The following PDZD4 variants were observed in gnomAD, a reference collection of about 807,000 sequenced individuals.
PDZD4 encodes the protein PDZ domain containing 4.
In PDZD4, 9 loss-of-function variants were observed where a neutral mutation model predicts 38.5. The ratio of observed to expected loss-of-function variants is 0.23; its 90% CI spans 0.14 to 0.41. The LOEUF is 0.41. PDZD4 is among the 10% of genes least tolerant of loss of function. PDZD4 has a pLI of 1.00. For synonymous variants in PDZD4, 349 were observed against 315.7 expected, an observed-to-expected ratio of 1.11 and a Z score of -1.12; for missense variants, 612 against 722.0, an observed-to-expected ratio of 0.85 and a Z score of 1.75.
chrX:153,818,327 G>A (rs2064383283), intron 1 of PDZD4, among the ~76,000 whole-genome samples: 1 of 111,020 alleles, frequency 9.0e-6, no homozygotes, highest in Admixed American at 9.6e-5. Flanking sequence ...GTAGGGGGCA[G>A]GCGGTAGGGC....
chrX:153,805,011 C>A, intron 7 of PDZD4, 86 bp downstream of exon 7: 1 of 1,112,541 alleles, frequency 9.0e-7, no homozygotes, highest in Non-Finnish European at 1.2e-6. Context: ...CCCTGCCAAG[C>A]ATTGGGAGAC....
intron 1 of PDZD4, chrX:153,829,766 G>A: frequency 1.3e-6 from 1 of 755,736 alleles, no homozygotes; most frequent in Non-Finnish European, 1.6e-6. Flanking sequence ...CCCATCGTTC[G>A]GGCAGGGCCA....
At chrX:153,816,355 G>T in intron 1 of PDZD4, among the ~76,000 whole-genome samples, 1 of 109,464 alleles carries the variant, frequency 9.1e-6, no homozygotes, top group East Asian at 3.0e-4. Context: ...CAGGGGAGGG[G>T]CCCTGGCAGG....
chrX:153,803,526 C>T lies in PDZD4; in HGVS notation c.2155G>A (p.Asp719Asn), dbSNP rs140408896. ...ATGATGTTGAGCTCGGGCTTGCTGT[C>T]GCCATTCTGCTGCTCCCGCAGGCAC... ...LECLREQQNG[D>N]SKPELNIIAL... is the part of the protein sequence containing the mutation. Residue 719 changes from aspartate to asparagine, a missense_variant, in exon 8 of 8, where the codon GAC becomes AAC. Asp to Asn is a conservative substitution (Grantham distance 23). Around this residue, in one of 3 missense-constraint regions of PDZD4, gnomAD observed 87 missense variants for 126.3 expected, o/e 0.69. Coordinates refer to ENST00000393758, the MANE Select transcript of PDZD4 (RefSeq NM_001303512.2). 7.5e-6 allele frequency: 9 copies of T among 1,198,192 alleles called. No individual in the cohort carries two copies. In the African/African-American group the frequency reaches 1.6e-4, roughly 21 times the overall value.
At chrX:153,820,894 C>T (rs782647035) in intron 1 of PDZD4, among the ~76,000 whole-genome samples, 5 of 111,938 alleles carry the variant, frequency 4.5e-5, no homozygotes, top group Admixed American at 9.5e-5. Flanking sequence ...TCTGTAAAGA[C>T]GCAGTTTCCC....
chrX:153,804,884 T>TAG lies in PDZD4; in HGVS notation c.796_797insCT (p.Glu266AlafsTer12). On this transcript the variant is annotated frameshift_variant, in exon 8 of 8. Coordinates refer to ENST00000393758, the MANE Select transcript of PDZD4 (RefSeq NM_001303512.2). LOFTEE classifies it high-confidence loss of function. The stretch of plus-strand genomic sequence containing the variant: ...TGGGCCGGCATCGGGAGCCCCCTTC[T>TAG]CCTCTTCGTTTCCGGGCTAGAGCAG... 1 of 1,207,971 alleles carries TAG rather than the reference T, an allele frequency of 8.3e-7. No homozygotes were observed. Among genetic ancestry groups the TAG allele is most frequent in the Non-Finnish European group, 1.1e-6 (1 of 893,407 alleles).
At chrX:153,820,779 G>A (rs1480282410) in intron 1 of PDZD4, among the ~76,000 whole-genome samples, 2 of 111,692 alleles carry the variant, frequency 1.8e-5, no homozygotes, top group Non-Finnish European at 3.8e-5. Context: ...GATGCTGTAT[G>A]TCTCCTCCCC....
Position 153,830,335 on chromosome X carries a change from G to A in PDZD4, c.-37C>T, listed in dbSNP as rs377424075. The A allele has an allele frequency of 2.6e-6, 3 of 1,170,356 alleles. No homozygotes were observed. Among genetic ancestry groups the A allele is most frequent in the Admixed American group, 4.5e-5 (2 of 44,868 alleles). ...GCGAGAGGAGGCGGAGGGCGGGAAC[G>A]GGAAGACGCCTTTCACTGACCCGGG... On this transcript the variant is annotated 5_prime_UTR_variant, in exon 1 of 8. Coordinates refer to ENST00000393758, the MANE Select transcript of PDZD4 (RefSeq NM_001303512.2).
chrX:153,803,774 C>T lies in PDZD4; in HGVS notation c.1907G>A (p.Ser636Asn). ...PRMEWKVKVR[S>N]DGTRYVAKRP... ...CTTGGCCACGTAGCGGGTTCCGTCGCTGCGCACCTTCACTTTCCACTCCAT... is the reference window on the plus strand; with the variant it reads ...CTTGGCCACGTAGCGGGTTCCGTCGTTGCGCACCTTCACTTTCCACTCCAT... Residue 636 changes from serine to asparagine, a missense_variant, in exon 8 of 8, where the codon AGC becomes AAC. By Grantham distance (46) the Ser-to-Asn change is conservative (BLOSUM62 1). This residue lies in a region of PDZD4 where 300 missense variants were observed against 284.6 expected (regional missense o/e 1.05). Transcript: ENST00000393758. The T allele has an allele frequency of 1.7e-6, 2 of 1,208,170 alleles. No homozygotes were observed. Among genetic ancestry groups the T allele is most frequent in the Non-Finnish European group, 2.2e-6 (2 of 895,381 alleles).
rs1212922331 is a variant in PDZD4, at chrX:153,803,683, C to T, written c.1998G>A (p.Met666Ile). 2.5e-6 allele frequency: 3 copies of T among 1,209,495 alleles called. No homozygotes were observed. Among genetic ancestry groups the T allele is most frequent in the Non-Finnish European group, 3.4e-6 (3 of 895,442 alleles). ...CGCTCACCGCGTCGTCGTCGGTCGT[C>T]ATACCGCTGCGCTCCTCCCGGATCT... Reference protein sequence around the residue: ...ALKIREERSGMTTDDDAVSEM... With the variant: ...ALKIREERSGITTDDDAVSEM... The change falls in exon 8 of 8, where the codon ATG becomes ATA. Residue 666 changes from methionine (M) to isoleucine (I), a missense_variant. By Grantham distance (10) the Met-to-Ile change is conservative. This residue lies in a region of PDZD4 where 87 missense variants were observed against 126.3 expected (regional missense o/e 0.69). Transcript: ENST00000393758.
Position 153,830,344 on chromosome X carries a change from C to G in PDZD4, c.-46G>C, listed in dbSNP as rs782268132. On this transcript the variant is annotated 5_prime_UTR_variant, in exon 1 of 8. Coordinates refer to ENST00000393758, the MANE Select transcript of PDZD4 (RefSeq NM_001303512.2). ...GGCGGAGGGCGGGAACGGGAAGACG[C>G]CTTTCACTGACCCGGGCGCGGGACC... 9.6e-6 allele frequency: 11 copies of G among 1,151,518 alleles called. 1 individual carries two copies. The East Asian group carries it at 1.2e-4, about 13-fold the overall frequency. 94.9% of individuals were successfully genotyped at this position (1,151,518 alleles called of 1,213,427 possible).
chrX:153,826,367 A>T (rs2064481585), intron 1 of PDZD4, among the ~76,000 whole-genome samples: 2 of 111,573 alleles, frequency 1.8e-5, no homozygotes, highest in Admixed American at 1.9e-4. Flanking sequence ...TATACTTAAT[A>T]AACAATTTTA....
At chrX:153,808,659 G>A in intron 1 of PDZD4, 64 bp from the exon 2 acceptor site, 1 of 1,076,146 alleles carries the variant, frequency 9.3e-7, no homozygotes, top group Non-Finnish European at 1.2e-6. Flanking sequence ...TGAGGTCAAG[G>A]CAGAGGCCCT....
At chrX:153,807,623 G>A (rs181822329) in intron 2 of PDZD4, among the ~76,000 whole-genome samples, 1,159 of 91,575 alleles carry the variant, frequency 0.013, 14 homozygotes, top group African/African-American at 0.04. Flanking sequence ...TAGCGTTCCC[G>A]TCCCCCAGAC....
intron 1 of PDZD4, chrX:153,829,817 G>A (rs1228175762): frequency 2.6e-6 from 2 of 758,351 alleles, no homozygotes; most frequent in African/African-American, 2.3e-5. Flanking sequence ...GCCCCCGGAC[G>A]GACTTGGACC....
At position 153,803,240 on chromosome X, in the gene PDZD4, GCACAGCGAGCACGCGCGCGCGCA is replaced by G. The variant is rs1463865204; in HGVS notation, c.*90_*112del. ...CCCAGACGAGGAGATGTGTGCGTGC[GCACAGCGAGCACGCGCGCGCGCA>G]CACACACACACACACAATCTCTATA... is the stretch of plus-strand genomic sequence containing the variant. On this transcript the variant is annotated 3_prime_UTR_variant, in exon 8 of 8. Transcript: ENST00000393758. 5.7e-6 allele frequency: 3 copies of G among 529,996 alleles called. No individual in the cohort carries two copies. The highest frequency in any genetic ancestry group is 2.4e-5 in the African/African-American group (1 of 41,029). 43.7% of individuals were successfully genotyped at this position (529,996 alleles called of 1,213,427 possible).
In PDZD4 at chrX:153,830,352, T is replaced by C; in HGVS notation, c.-54A>G. 1 of 1,109,632 alleles carries C rather than the reference T, an allele frequency of 9.0e-7. No individual in the cohort carries two copies. Among genetic ancestry groups the C allele is most frequent in the Non-Finnish European group, 1.2e-6 (1 of 817,635 alleles). 91.4% of individuals were successfully genotyped at this position (1,109,632 alleles called of 1,213,427 possible). A position where few individuals can be genotyped will look rare whatever the true frequency, so the allele number is the denominator to read the frequency against. On this transcript the variant is annotated 5_prime_UTR_variant, in exon 1 of 8. Coordinates refer to ENST00000393758, the MANE Select transcript of PDZD4 (RefSeq NM_001303512.2). ...GCGGGAACGGGAAGACGCCTTTCAC[T>C]GACCCGGGCGCGGGACCTCGGGTCC...
rs2148455004 is a variant in PDZD4 at position 153,803,226 on chromosome X, AG to A, written c.*126del. On this transcript the variant is annotated 3_prime_UTR_variant, in exon 8 of 8. Coordinates refer to ENST00000393758, the MANE Select transcript of PDZD4 (RefSeq NM_001303512.2). ...GCCCTGTGCGCACACCCAGACGAGG[AG>A]ATGTGTGCGTGCGCACAGCGAGCAC... is the stretch of plus-strand genomic sequence containing the variant. The A allele has an allele frequency of 2.5e-6, 1 of 407,256 alleles. No homozygotes were observed. Among genetic ancestry groups the A allele is most frequent in the Admixed American group, 5.6e-5 (1 of 17,850 alleles). 33.6% of individuals were successfully genotyped at this position (407,256 alleles called of 1,213,427 possible).
chrX:153,830,026 C>A, intron 1 of PDZD4: 1 of 641,098 alleles, frequency 1.6e-6, no homozygotes, highest in Non-Finnish European at 2.1e-6. Context: ...AAGCGCGCCC[C>A]ACCCGGGCCA....
Sources: allele counts gnomAD v4.1 joint callset (sites outside exome capture counted in the v4.1 genomes callset), GRCh38; gene constraint gnomAD v4.1.1; regional missense constraint gnomAD v4.1.1; transcripts MANE v1.5; gene names NCBI Gene and HGNC (gene_info 2026-07-23, HGNC 2026-07-21).